The following ZC3H12C variants were observed in gnomAD, a reference collection of about 807,000 sequenced individuals.
ZC3H12C encodes probable ribonuclease ZC3H12C.
In ZC3H12C, 20 loss-of-function variants were observed where a neutral mutation model predicts 76.3. The ratio of observed to expected loss-of-function variants is 0.26; its 90% confidence interval spans 0.18 to 0.38. ZC3H12C has a LOEUF of 0.38. Ranked by LOEUF, ZC3H12C falls within the 10% of genes least tolerant of loss-of-function variation. The probability of loss-of-function intolerance (pLI) is 1.00; values close to 1 mark genes in which losing one functional copy is unlikely to be tolerated. For synonymous variants in ZC3H12C, 352 were observed against 399.6 expected, an observed-to-expected ratio of 0.88 and a Z score of 1.42; for missense variants, 874 against 1,086.5, an observed-to-expected ratio of 0.80 and a Z score of 2.75.
At position 110,128,452 on chromosome 11, in the gene ZC3H12C, C is replaced by G. The variant is rs73550826; in HGVS notation, c.22-8211C>G. Among the ~76,000 whole-genome samples the G allele has an allele frequency of 4.9e-4, 74 of 152,286 alleles. 1 individual carries two copies. The highest frequency in any genetic ancestry group is 1.6e-3 in the African/African-American group (68 of 41,566). The stretch of plus-strand genomic sequence containing the variant: ...CCTGCTGAGCCCTGGGGTAGTTTCT[C>G]TCATTCTTTGTGTTCACAGTGGCAG... On this transcript the variant is annotated intron_variant, in intron 1 of 5. Coordinates refer to ENST00000278590, the MANE Select transcript of ZC3H12C (RefSeq NM_033390.2).
intron 1 of ZC3H12C, among the ~76,000 whole-genome samples, chr11:110,130,616 A>G (rs1861843732): frequency 6.6e-6 from 1 of 152,214 alleles, no homozygotes; most frequent in African/African-American, 2.4e-5. Flanking sequence ...GAAACATGCA[A>G]CTTTTACTAC....
chr11:110,161,397 C>T (rs1565269147), intron 4 of ZC3H12C, among the ~76,000 whole-genome samples: 1 of 152,146 alleles, frequency 6.6e-6, no homozygotes, highest in Non-Finnish European at 1.5e-5. Context: ...TAATGTAAGA[C>T]TCTGGTCATG....
chr11:110,127,909 A>AAAAG (rs1555018839), intron 1 of ZC3H12C, among the ~76,000 whole-genome samples: 2 of 148,480 alleles, frequency 1.3e-5, no homozygotes. Flanking sequence ...AAAAAAAAAA[A>AAAAG]AGAGATTACA....
intron 1 of ZC3H12C, among the ~76,000 whole-genome samples, chr11:110,133,176 G>A (rs774983923): frequency 6.6e-6 from 1 of 152,084 alleles, no homozygotes; most frequent in Non-Finnish European, 1.5e-5. Context: ...AAGGGCAATC[G>A]TTTGCTAATT....
chr11:110,122,945 T>C (rs641934), intron 1 of ZC3H12C, among the ~76,000 whole-genome samples: 53,471 of 152,056 alleles, frequency 0.35, 10,393 homozygotes, highest in East Asian at 0.65. Flanking sequence ...ATAGTGTGGA[T>C]ACACTGGACA....
At chr11:110,157,095 C>G (rs1862390338) in intron 3 of ZC3H12C, among the ~76,000 whole-genome samples, 1 of 151,166 alleles carries the variant, frequency 6.6e-6, no homozygotes, top group Non-Finnish European at 1.5e-5. Context: ...AGAAGAATTG[C>G]TTGAACCTGG....
intron 5 of ZC3H12C, 112 bp downstream of exon 5, chr11:110,163,491 T>C: frequency 4.1e-6 from 3 of 738,658 alleles, no homozygotes; most frequent in Middle Eastern, 2.5e-4. Flanking sequence ...ATGCAGTTCT[T>C]TGGATTCCAG....
intron 1 of ZC3H12C, among the ~76,000 whole-genome samples, chr11:110,127,363 G>C (rs1189985714): frequency 6.6e-6 from 1 of 152,130 alleles, no homozygotes; most frequent in African/African-American, 2.4e-5. Flanking sequence ...TGGCCTGTCT[G>C]ACTTCCTAAA....
chr11:110,138,943 G>T (rs1455825869), intron 2 of ZC3H12C, among the ~76,000 whole-genome samples: 1 of 152,156 alleles, frequency 6.6e-6, no homozygotes, highest in Non-Finnish European at 1.5e-5. Flanking sequence ...TATTTCAGGT[G>T]CTCAGTATCC....
In ZC3H12C at chr11:110,165,539, A is replaced by T; in HGVS notation, c.2454A>T (p.Pro818=). ...TFQSLPEQQE[P]AWRIPYCGMP... ...AGAGCCTCCCTGAGCAACAGGAGCC[A>T]GCCTGGCGGATCCCATACTGTGGAA... is the stretch of plus-strand genomic sequence containing the variant. Residue 818 remains proline (P), a synonymous_variant, in exon 6 of 6, where the codon CCA becomes CCT. Transcript: ENST00000278590. 1 of 1,613,864 alleles carries T rather than the reference A, an allele frequency of 6.2e-7. No individual in the cohort carries two copies. Among genetic ancestry groups the T allele is most frequent in the Non-Finnish European group, 8.5e-7 (1 of 1,179,810 alleles).
rs375129712 is a variant in ZC3H12C, at chr11:110,165,239, G to A, written c.2154G>A (p.Arg718=). 4.3e-6 allele frequency: 7 copies of A among 1,613,800 alleles called. No homozygotes were observed. Among genetic ancestry groups the A allele is most frequent in the Non-Finnish European group, 5.1e-6 (6 of 1,179,890 alleles). Reference sequence around the variant, plus strand: ...TGCCGCACTCCGCTGTGGGCGCCCGGTCCAGCTGTCCTGGCGACTACCCCT... The same window carrying A: ...TGCCGCACTCCGCTGTGGGCGCCCGATCCAGCTGTCCTGGCGACTACCCCT... The part of the protein sequence containing the change: ...LHLPHSAVGA[R]SSCPGDYPSP... The change falls in exon 6 of 6, where the codon CGG becomes CGA. Residue 718 remains arginine (R), a synonymous_variant. Coordinates refer to ENST00000278590, the MANE Select transcript of ZC3H12C (RefSeq NM_033390.2).
At chr11:110,138,397 C>T (rs551416268) in intron 2 of ZC3H12C, among the ~76,000 whole-genome samples, 249 of 152,030 alleles carry the variant, frequency 1.6e-3, no homozygotes, top group African/African-American at 5.7e-3. Context: ...ACAATGCAAA[C>T]CATGTATGTC....
At chr11:110,163,821 G>T (rs1335498140) in intron 5 of ZC3H12C, among the ~76,000 whole-genome samples, 1 of 152,134 alleles carries the variant, frequency 6.6e-6, no homozygotes, top group African/African-American at 2.4e-5. Context: ...GGAAGTGGCT[G>T]GGTGCAGTGG....
At chr11:110,099,314 G>A (rs1159974163) in intron 1 of ZC3H12C, among the ~76,000 whole-genome samples, 1 of 152,058 alleles carries the variant, frequency 6.6e-6, no homozygotes, top group Non-Finnish European at 1.5e-5. Context: ...AAGTTATATT[G>A]ATATGTATAA....
intron 1 of ZC3H12C, among the ~76,000 whole-genome samples, chr11:110,132,787 A>C (rs1861890221): frequency 6.6e-6 from 1 of 152,170 alleles, no homozygotes; most frequent in Admixed American, 6.5e-5. Flanking sequence ...TTAATATTTC[A>C]TTGATTAATT....
At chr11:110,107,888 C>T (rs981330408) in intron 1 of ZC3H12C, among the ~76,000 whole-genome samples, 1 of 152,148 alleles carries the variant, frequency 6.6e-6, no homozygotes, top group East Asian at 1.9e-4. Flanking sequence ...GTCTTGAACT[C>T]CTGAGCTAAA....
In ZC3H12C at chr11:110,146,905, A is replaced by T. The variant is rs552977277; in HGVS notation, c.774-6014A>T. Among the ~76,000 whole-genome samples, 105 of 152,338 alleles carry T rather than the reference A, an allele frequency of 6.9e-4. 1 individual carries two copies. The highest frequency in any genetic ancestry group is 1.4e-3 in the Non-Finnish European group (95 of 68,026). On this transcript the variant is annotated intron_variant, in intron 2 of 5. Transcript: ENST00000278590. ...TAAGGGTCTATTCTGATCTACCTTT[A>T]AATCCATCCTTGTTAATTTAGAAAA...
chr11:110,099,388 A>G (rs1038496290), intron 1 of ZC3H12C, among the ~76,000 whole-genome samples: 1 of 152,152 alleles, frequency 6.6e-6, no homozygotes, highest in African/African-American at 2.4e-5. Flanking sequence ...ATTAACTTTG[A>G]AAGTGCTTGA....
intron 4 of ZC3H12C, 103 bp from the exon 5 acceptor site, chr11:110,163,170 G>A: frequency 1.0e-6 from 1 of 959,904 alleles, no homozygotes; most frequent in Non-Finnish European, 1.5e-6. Context: ...GATTAAAATT[G>A]CAAAAAAAAT....
Sources: gnomAD v4.1 joint callset for allele counts (sites outside exome capture counted in the v4.1 genomes callset) on GRCh38, gnomAD v4.1.1 for gene constraint, MANE v1.5 for transcripts, NCBI Gene and HGNC (gene_info 2026-07-23, HGNC 2026-07-21) for gene names.